ZNF821: variants seen among roughly 807,000 people sequenced by gnomAD.
The protein encoded by ZNF821 is zinc finger protein 821.
A neutral mutation model predicts 44.3 loss-of-function variants in ZNF821; 16 were observed. That is an observed-to-expected ratio of 0.36 (90% CI 0.24 to 0.55). The LOEUF is 0.55. Ranked by LOEUF, ZNF821 falls within the 20% of genes least tolerant of loss-of-function variation. ZNF821 has a pLI of 0.86. For missense variants in ZNF821, 436 were observed against 547.6 expected (o/e 0.80, Z 2.03); for synonymous variants, 204 against 197.6 (o/e 1.03, Z -0.27).
chr16:71,862,540 G>A (rs901897367), intron 6 of ZNF821, among the ~76,000 whole-genome samples: 2 of 152,142 alleles, frequency 1.3e-5, no homozygotes, highest in Admixed American at 1.3e-4. Context: ...AGCCTAAGAG[G>A]AATTCATGTC....
chr16:71,877,770 TTTAGC>T (rs1214197867), intron 3 of ZNF821, among the ~76,000 whole-genome samples: 2 of 150,708 alleles, frequency 1.3e-5, no homozygotes, highest in Non-Finnish European at 3.0e-5. Context: ...AATACAAATA[TTTAGC>T]CGGGCGTGGT....
intron 3 of ZNF821, among the ~76,000 whole-genome samples, chr16:71,869,640 CT>C (rs1002272045): frequency 6.6e-5 from 10 of 151,290 alleles, no homozygotes; most frequent in East Asian, 1.9e-4. Context: ...TGTCCTTTTT[CT>C]TTTTTTTTCT....
rs771624540 is a variant in ZNF821, at chr16:71,860,453, T to C, written c.804A>G (p.Glu268=). Reference sequence around the variant, plus strand: ...CTCGTTCCAGCCGCTGCAGCCGTACTTCCAAAGGCTCATTCTGTCGACGTA... The same window carrying C: ...CTCGTTCCAGCCGCTGCAGCCGTACCTCCAAAGGCTCATTCTGTCGACGTA... ...WALRRQNEPL[E]VRLQRLERER... Residue 268 remains glutamate, a synonymous_variant, in exon 8 of 8, where the codon GAA becomes GAG. Coordinates refer to ENST00000425432, the MANE Select transcript of ZNF821 (RefSeq NM_001201552.2). The surrounding 1 kb of genome is among the most constrained non-coding windows in gnomAD (Gnocchi z 7.3). 1 of 1,614,100 alleles carries C rather than the reference T, an allele frequency of 6.2e-7. No individual in the cohort carries two copies. The highest frequency in any genetic ancestry group is 8.5e-7 in the Non-Finnish European group (1 of 1,180,030).
Position 71,860,016 on chromosome 16 carries a change from G to A in ZNF821, c.*2C>T. The A allele has an allele frequency of 6.3e-7, 1 of 1,590,246 alleles. No individual in the cohort carries two copies. The stretch of plus-strand genomic sequence containing the variant: ...GAAGGAGGGCAGGCAGGAGGGTGTG[G>A]TTCAGTGCAGAGAGCTGCTGTTCTG... On this transcript the variant is annotated 3_prime_UTR_variant, in exon 8 of 8. Transcript: ENST00000425432. This position sits in a 1 kb window ranked among gnomAD's most constrained non-coding sequence, Gnocchi z 7.3.
chr16:71,874,163 T>C (rs1235494242), intron 3 of ZNF821, among the ~76,000 whole-genome samples: 1 of 151,906 alleles, frequency 6.6e-6, no homozygotes, highest in African/African-American at 2.4e-5. Context: ...GGTTTCACCA[T>C]GTTGGCCAGG....
Position 71,860,495 on chromosome 16 carries a change from A to G in ZNF821, c.762T>C (p.Ser254=), listed in dbSNP as rs757020158. 5 of 1,613,944 alleles carry G rather than the reference A, an allele frequency of 3.1e-6. No individual in the cohort carries two copies. The African/African-American group carries it at 4.0e-5, about 13-fold the overall frequency. The part of the protein sequence containing the change: ...YRKLLEAQTP[S]VRKWALRRQN... Reference sequence around the variant, plus strand: ...GTCGACGTAGAGCCCACTTGCGTACACTGGGAGTCTGGGCTTCCAGCAGTT... The same window carrying G: ...GTCGACGTAGAGCCCACTTGCGTACGCTGGGAGTCTGGGCTTCCAGCAGTT... Residue 254 remains serine, a synonymous_variant, in exon 8 of 8, where the codon AGT becomes AGC. Coordinates refer to ENST00000425432, the MANE Select transcript of ZNF821 (RefSeq NM_001201552.2). This position sits in a 1 kb window ranked among gnomAD's most constrained non-coding sequence, Gnocchi z 7.3.
intron 4 of ZNF821, among the ~76,000 whole-genome samples, chr16:71,866,360 T>G (rs1227386742): frequency 6.6e-6 from 1 of 152,170 alleles, no homozygotes; most frequent in Non-Finnish European, 1.5e-5. Context: ...GTGTCCTTAT[T>G]AGATAAATAC....
rs35889170 is a variant in ZNF821, at chr16:71,894,698, C to CTTTTT, written n.448+186_448+190dup. ...TCACTGCTGCTCCCCTAATTTTTAA[C>CTTTTT]TTTTTTTTTTTTTTTTTTGTAGCGA... On this transcript the variant is annotated intron_variant and non_coding_transcript_variant, in intron 1 of 2. Coordinates refer to the ZNF821 transcript ENST00000561700. 2.8e-4 allele frequency: 126 copies of CTTTTT among 443,824 alleles called. 2 individuals are homozygous for CTTTTT. Among genetic ancestry groups the CTTTTT allele is most frequent in the South Asian group, 9.4e-4 (34 of 36,322 alleles). The allele number at this position is 443,824 out of a possible 1,614,324, so 27.5% of individuals were successfully genotyped here.
intron 2 of ZNF821, among the ~76,000 whole-genome samples, chr16:71,880,236 T>C (rs1051003216): frequency 8.5e-5 from 13 of 152,224 alleles, no homozygotes; most frequent in African/African-American, 2.2e-4. Flanking sequence ...TCAGAGGACT[T>C]AGAGAATTAT....
At chr16:71,870,610 G>C (rs551404667) in intron 3 of ZNF821, among the ~76,000 whole-genome samples, 1 of 151,736 alleles carries the variant, frequency 6.6e-6, no homozygotes, top group East Asian at 1.9e-4. Context: ...CTCCTGAGTA[G>C]CAGGGATTAC....
chr16:71,886,382 G>T (rs1260460561), upstream of ZNF821, among the ~76,000 whole-genome samples: 1 of 152,152 alleles, frequency 6.6e-6, no homozygotes, highest in East Asian at 1.9e-4. Flanking sequence ...TAAAAAAGAA[G>T]AATTAATTTA....
Position 71,879,951 on chromosome 16 carries a change from C to T in ZNF821, c.-5G>A. 12 of 1,613,310 alleles carry T rather than the reference C, an allele frequency of 7.4e-6. No individual in the cohort carries two copies. The highest frequency in any genetic ancestry group is 1.0e-5 in the Non-Finnish European group (12 of 1,179,682). Reference sequence around the variant, plus strand: ...TGTCTGTTTCCGACGGGACATGTTTCCCTGATGCAAGAGCTCTGGTCTTTC... The same window carrying T: ...TGTCTGTTTCCGACGGGACATGTTTTCCTGATGCAAGAGCTCTGGTCTTTC... On this transcript the variant is annotated 5_prime_UTR_variant, in exon 3 of 8. Transcript: ENST00000425432.
At chr16:71,894,727 G>A in intron 1 of ZNF821, 2 of 532,650 alleles carry the variant, frequency 3.8e-6, no homozygotes, top group Non-Finnish European at 6.2e-6. Flanking sequence ...GTAGCGATGC[G>A]GTTTCACTAT....
intron 4 of ZNF821, among the ~76,000 whole-genome samples, chr16:71,865,976 CAG>C (rs751425676): frequency 6.6e-6 from 1 of 152,066 alleles, no homozygotes. Context: ...AAAATGAAAA[CAG>C]ATCAGAAAAA....
intron 1 of ZNF821, chr16:71,894,766 G>A (rs1432392250): frequency 1.2e-5 from 14 of 1,155,450 alleles, no homozygotes; most frequent in African/African-American, 1.6e-5. Flanking sequence ...CAACTCCCGG[G>A]CTCAAGCGAT....
upstream of ZNF821, among the ~76,000 whole-genome samples, chr16:71,888,135 C>A (rs1316291215): frequency 1.3e-5 from 2 of 152,232 alleles, no homozygotes; most frequent in East Asian, 3.9e-4. Flanking sequence ...CCTCAGCCTC[C>A]CAAAGTGCTG....
intron 3 of ZNF821, among the ~76,000 whole-genome samples, chr16:71,869,495 A>G (rs909208986): frequency 2.6e-5 from 4 of 152,222 alleles, no homozygotes; most frequent in African/African-American, 9.6e-5. Flanking sequence ...TCCAGGCTCT[A>G]TGGTGTTTTG....
chr16:71,880,171 T>G, intron 2 of ZNF821, 148 bp from the exon 3 acceptor site: 1 of 436,806 alleles, frequency 2.3e-6, no homozygotes, highest in Non-Finnish European at 4.0e-6. Flanking sequence ...AAGAAAGAAA[T>G]GAATAAATCT....
chr16:71,863,399 CTCT>C (rs1339048507), intron 6 of ZNF821, among the ~76,000 whole-genome samples: 35 of 109,130 alleles, frequency 3.2e-4, no homozygotes, highest in Admixed American at 9.1e-4. Flanking sequence ...GGAGCAGAAT[CTCT>C]TTTTTTTTTT....
Sources: allele counts gnomAD v4.1 joint callset (sites outside exome capture counted in the v4.1 genomes callset), GRCh38; gene constraint gnomAD v4.1.1; non-coding constraint Gnocchi (gnomAD v3.1); transcripts MANE v1.5; gene names NCBI Gene and HGNC (gene_info 2026-07-23, HGNC 2026-07-21).